The following DAB1 variants were observed in gnomAD, a reference collection of about 807,000 sequenced individuals.
DAB1 encodes the protein DAB adaptor protein 1.
Under a neutral mutation model 64.6 loss-of-function variants are expected in DAB1, and 15 were observed. The ratio of observed to expected loss-of-function variants is 0.23; its 90% CI spans 0.16 to 0.36. DAB1 has a LOEUF of 0.36. Ranked by LOEUF, DAB1 falls within the 10% of genes least tolerant of loss-of-function variation. The pLI, the probability that DAB1 is intolerant of heterozygous loss-of-function variation, is 1.00. For missense variants in DAB1, 596 were observed against 706.7 expected (o/e 0.84, Z 1.78); for synonymous variants, 235 against 251.9 (o/e 0.93, Z 0.64).
chr1:57,804,625 T>C (rs1651279807), intron 6 of DAB1, among the ~76,000 whole-genome samples: 1 of 152,240 alleles, frequency 6.6e-6, no homozygotes, highest in Non-Finnish European at 1.5e-5. Context: ...TATAACTATA[T>C]TAACAATTCA....
chr1:57,250,868 A>C (rs1455436867), intron 2 of DAB1, among the ~76,000 whole-genome samples: 1 of 152,214 alleles, frequency 6.6e-6, no homozygotes, highest in Non-Finnish European at 1.5e-5. Flanking sequence ...ATCTGAGACC[A>C]TGGAGACATG....
intron 1 of DAB1, among the ~76,000 whole-genome samples, chr1:57,845,844 C>T (rs527617094): frequency 1.2e-4 from 19 of 152,304 alleles, no homozygotes; most frequent in African/African-American, 4.3e-4. Context: ...CTTAGCCCTG[C>T]CATCTAAAGC....
chr1:58,400,602 C>T (rs1028721516), intron 3 of DAB1, among the ~76,000 whole-genome samples: 1 of 152,090 alleles, frequency 6.6e-6, no homozygotes, highest in Non-Finnish European at 1.5e-5. Context: ...GTATTTACGG[C>T]GCTGAGACAG....
chr1:58,028,994 T>C (rs901128558), intron 5 of DAB1, among the ~76,000 whole-genome samples: 3 of 152,138 alleles, frequency 2.0e-5, no homozygotes, highest in East Asian at 3.8e-4. Context: ...CACAGAAAGA[T>C]GGTGAGGATC....
At chr1:58,248,445 G>A (rs1446089592) in intron 4 of DAB1, among the ~76,000 whole-genome samples, 1 of 152,280 alleles carries the variant, frequency 6.6e-6, no homozygotes, top group South Asian at 2.1e-4. Context: ...GGGGCCCCAC[G>A]TCGCTAAATG....
chr1:58,099,834 C>T (rs559173151), intron 5 of DAB1, among the ~76,000 whole-genome samples: 5 of 152,316 alleles, frequency 3.3e-5, no homozygotes, highest in East Asian at 3.9e-4. Flanking sequence ...AACTGAGACT[C>T]ACGTCCAGGA....
intron 1 of DAB1, among the ~76,000 whole-genome samples, chr1:57,300,242 T>C (rs1673530345): frequency 1.3e-5 from 2 of 152,124 alleles, no homozygotes; most frequent in South Asian, 4.1e-4. Flanking sequence ...CAGAAAGAAA[T>C]AAAGATGATA....
chr1:58,171,378 T>C lies in DAB1; in HGVS notation n.310-20790A>G, dbSNP rs910797245. 3.9e-5 allele frequency among the ~76,000 whole-genome samples: 6 copies of C among 152,164 alleles called. No homozygotes were observed. The South Asian group carries it at 1.2e-3, about 32-fold the overall frequency. ...GTTAAACATTTAAAAGCTCAAGGCT[T>C]AGTAAGGAAATGCAGCAGTCCCTGC... is the stretch of plus-strand genomic sequence containing the variant. On this transcript the variant is annotated intron_variant and non_coding_transcript_variant, in intron 4 of 20. Coordinates refer to the DAB1 transcript ENST00000485760.
At chr1:58,541,238 G>A (rs1419715008) in intron 1 of DAB1, among the ~76,000 whole-genome samples, 4 of 128,836 alleles carry the variant, frequency 3.1e-5, no homozygotes, top group Admixed American at 8.8e-5. Context: ...AGGTTGCAGT[G>A]AGCCGAGATG....
At chr1:58,163,639 G>A (rs10157613) in intron 4 of DAB1, among the ~76,000 whole-genome samples, 2,485 of 152,268 alleles carry the variant, frequency 0.016, 61 homozygotes, top group African/African-American at 0.056. Flanking sequence ...AGGGCAGGAT[G>A]AGCCTAAAGA....
At chr1:58,379,460 T>C (rs538013243) in intron 3 of DAB1, among the ~76,000 whole-genome samples, 2 of 152,348 alleles carry the variant, frequency 1.3e-5, no homozygotes, top group East Asian at 3.9e-4. Context: ...CTACTGGAAA[T>C]ATTCGCACTG....
At chr1:58,099,432 C>T (rs79795567) in intron 5 of DAB1, among the ~76,000 whole-genome samples, 4,255 of 152,254 alleles carry the variant, frequency 0.028, 180 homozygotes, top group African/African-American at 0.097. Flanking sequence ...TATTGATGAC[C>T]GTCTACGTAC....
At chr1:57,154,867 T>C (rs1660059252) in intron 2 of DAB1, among the ~76,000 whole-genome samples, 1 of 152,224 alleles carries the variant, frequency 6.6e-6, no homozygotes. Context: ...CATTCAAATC[T>C]TTGTCCAATT....
intron 2 of DAB1, among the ~76,000 whole-genome samples, chr1:57,264,808 A>C (rs554997318): frequency 6.6e-6 from 1 of 152,346 alleles, no homozygotes; most frequent in African/African-American, 2.4e-5. Flanking sequence ...TCTTGGTCTT[A>C]AGATGCTTTC....
At chr1:57,421,289 G>A (rs1684861738) in intron 1 of DAB1, among the ~76,000 whole-genome samples, 1 of 152,206 alleles carries the variant, frequency 6.6e-6, no homozygotes, top group South Asian at 2.1e-4. Context: ...GAAACAGCTT[G>A]TGAGATGAGC....
intron 7 of DAB1, among the ~76,000 whole-genome samples, chr1:57,577,216 T>C (rs1304255999): frequency 6.6e-6 from 1 of 152,212 alleles, no homozygotes; most frequent in African/African-American, 2.4e-5. Flanking sequence ...AAGTGCTTTA[T>C]AACTTACAAT....
At chr1:58,339,219 G>A (rs1663194649) in intron 4 of DAB1, among the ~76,000 whole-genome samples, 1 of 152,074 alleles carries the variant, frequency 6.6e-6, no homozygotes, top group African/African-American at 2.4e-5. Context: ...ACTACAAGAC[G>A]AAACTTGTTT....
chr1:58,381,980 G>C (rs1487493153), intron 3 of DAB1, among the ~76,000 whole-genome samples: 1 of 150,958 alleles, frequency 6.6e-6, no homozygotes, highest in African/African-American at 2.5e-5. Context: ...CACCATGAAA[G>C]AAGAAACAGT....
chr1:57,806,253 A>C (rs1009063231), intron 6 of DAB1, among the ~76,000 whole-genome samples: 1 of 152,102 alleles, frequency 6.6e-6, no homozygotes, highest in South Asian at 2.1e-4. Flanking sequence ...GTCCCTCCAA[A>C]ATTATAAATT....
Sources: gnomAD v4.1 joint callset for allele counts (sites outside exome capture counted in the v4.1 genomes callset) on GRCh38, gnomAD v4.1.1 for gene constraint, MANE v1.5 for transcripts, NCBI Gene and HGNC (gene_info 2026-07-23, HGNC 2026-07-21) for gene names.